Variants in CNNM2 observed in about 807,000 individuals in gnomAD.
CNNM2 encodes the protein metal transporter CNNM2.
CNNM2 carries 12 observed loss-of-function variants against 66.9 expected under a neutral mutation model. That is an observed-to-expected ratio of 0.18 (90% CI 0.11 to 0.29). The LOEUF (loss-of-function observed/expected upper bound fraction) is 0.29. Ranked by LOEUF, CNNM2 falls within the 10% of genes least tolerant of loss-of-function variation. The pLI is 1.00. For missense variants in CNNM2, 705 were observed against 1,167.7 expected (o/e 0.60, Z 5.77); for synonymous variants, 557 against 501.8 (o/e 1.11, Z -1.47).
rs1292790166 is a variant in CNNM2 at position 102,944,972 on chromosome 10, G to GT, written c.1621+24877dup. Among the ~76,000 whole-genome samples, 4 of 147,688 alleles carry GT rather than the reference G, an allele frequency of 2.7e-5. No homozygotes were observed. In the South Asian group the frequency reaches 8.6e-4, roughly 32 times the overall value. ...GCAGGGTTAAATATGGTTTTGTTTTGTTTTTTGTTTTTTTTTTTGGCAAGA... is the reference window on the plus strand; with the variant it reads ...GCAGGGTTAAATATGGTTTTGTTTTGTTTTTTTGTTTTTTTTTTTGGCAAGA... On this transcript the variant is annotated intron_variant, in intron 1 of 7. Transcript: ENST00000369878.
At chr10:103,013,732 G>A (rs916572013) in intron 1 of CNNM2, among the ~76,000 whole-genome samples, 9 of 152,172 alleles carry the variant, frequency 5.9e-5, no homozygotes, top group Non-Finnish European at 1.2e-4. Flanking sequence ...AATTGCAAGA[G>A]CAATGGAAAA....
intron 1 of CNNM2, among the ~76,000 whole-genome samples, chr10:103,021,438 C>T (rs754890480): frequency 2.0e-5 from 3 of 152,032 alleles, no homozygotes; most frequent in Non-Finnish European, 2.9e-5. Context: ...CTTGGAGTCC[C>T]GGGCTTCTTG....
At chr10:103,043,515 T>G (rs1328650208) in intron 1 of CNNM2, among the ~76,000 whole-genome samples, 8 of 152,200 alleles carry the variant, frequency 5.3e-5, no homozygotes, top group Non-Finnish European at 1.0e-4. Context: ...CATTTAAAAT[T>G]TGAGCCTAGA....
At chr10:102,998,617 G>C (rs1250564347) in intron 1 of CNNM2, among the ~76,000 whole-genome samples, 1 of 152,134 alleles carries the variant, frequency 6.6e-6, no homozygotes, top group Non-Finnish European at 1.5e-5. Context: ...TGGAAAGGCA[G>C]ACATAAAACT....
chr10:103,049,688 C>A lies in CNNM2; in HGVS notation c.1622-19C>A. The A allele has an allele frequency of 6.2e-7, 1 of 1,602,780 alleles. No homozygotes were observed. The highest frequency in any genetic ancestry group is 1.1e-5 in the South Asian group (1 of 88,978). On this transcript the variant is annotated intron_variant, in intron 1 of 7. Coordinates refer to ENST00000369878, the MANE Select transcript of CNNM2 (RefSeq NM_017649.5). ...AAAATTCAGAAAGTCACTTCCTAAA[C>A]TTTTTCTTGTCTCTAAAGGTAAATC...
intron 1 of CNNM2, among the ~76,000 whole-genome samples, chr10:102,949,280 A>C (rs920018666): frequency 1.3e-5 from 2 of 151,942 alleles, no homozygotes; most frequent in African/African-American, 4.8e-5. Flanking sequence ...GATTCAAGCA[A>C]TTCTCCTGCC....
chr10:103,062,618 A>G (rs1202781441), intron 4 of CNNM2, among the ~76,000 whole-genome samples: 1 of 152,212 alleles, frequency 6.6e-6, no homozygotes, highest in Non-Finnish European at 1.5e-5. Flanking sequence ...CAATGTGTAG[A>G]TGATATTTGG....
At chr10:102,972,706 T>C (rs1396103273) in intron 1 of CNNM2, among the ~76,000 whole-genome samples, 1 of 152,168 alleles carries the variant, frequency 6.6e-6, no homozygotes, top group Non-Finnish European at 1.5e-5. Context: ...ACAGATTTCA[T>C]TGCCTCTTTC....
chr10:102,930,284 T>A (rs550460193), intron 1 of CNNM2, among the ~76,000 whole-genome samples: 46 of 152,204 alleles, frequency 3.0e-4, no homozygotes, highest in South Asian at 2.9e-3. Context: ...TGCAAAAAAA[T>A]ATATATATGT....
chr10:103,073,078 C>T (rs762290764), intron 6 of CNNM2, among the ~76,000 whole-genome samples: 5 of 152,242 alleles, frequency 3.3e-5, no homozygotes, highest in Non-Finnish European at 5.9e-5. Flanking sequence ...AGGGTTGCAG[C>T]GCCTCTGCTC....
chr10:102,960,783 C>CTTTT (rs1183182236), intron 1 of CNNM2, among the ~76,000 whole-genome samples: 1 of 97,862 alleles, frequency 1.0e-5, no homozygotes, highest in African/African-American at 3.9e-5. Flanking sequence ...CCATACCTGG[C>CTTTT]TTTTTTTTTT....
Position 103,080,074 on chromosome 10 carries a change from A to C in CNNM2, c.*2894A>C, listed in dbSNP as rs1367170409. ...GGTCTCGATGTGGCTGCTCTTTGGCACCTCCGCTGGACTGCCCTCCCGCGG... is the reference window on the plus strand; with the variant it reads ...GGTCTCGATGTGGCTGCTCTTTGGCCCCTCCGCTGGACTGCCCTCCCGCGG... On this transcript the variant is annotated 3_prime_UTR_variant, in exon 8 of 8. Transcript: ENST00000369878. 1 of 152,068 alleles carries C rather than the reference A, an allele frequency of 6.6e-6. No homozygotes were observed. Among genetic ancestry groups the C allele is most frequent in the East Asian group, 1.9e-4 (1 of 5,186 alleles). The allele number at this position is 152,068 out of a possible 1,614,324, so 9.4% of individuals were successfully genotyped here. A position where few individuals can be genotyped will look rare whatever the true frequency, so the allele number is the denominator to read the frequency against.
At chr10:102,935,219 G>A (rs1261114774) in intron 1 of CNNM2, among the ~76,000 whole-genome samples, 1 of 150,552 alleles carries the variant, frequency 6.6e-6, no homozygotes, top group South Asian at 2.1e-4. Flanking sequence ...TAATCCTAGC[G>A]CTAACTTTGG....
At position 103,080,605 on chromosome 10, in the gene CNNM2, G is replaced by A. The variant is rs1450179253; in HGVS notation, c.*3425G>A. On this transcript the variant is annotated 3_prime_UTR_variant, in exon 8 of 8. Transcript: ENST00000369878. ...GGCATCCCCAAGTGGGAGGGAGTGG[G>A]GCATCTTACCATCTTCTAATGTGAC... The A allele has an allele frequency of 6.6e-6, 1 of 152,098 alleles. No homozygotes were observed. Among genetic ancestry groups the A allele is most frequent in the African/African-American group, 2.4e-5 (1 of 41,418 alleles). The allele number at this position is 152,098 out of a possible 1,614,324, so 9.4% of individuals were successfully genotyped here. A position where few individuals can be genotyped will look rare whatever the true frequency, so the allele number is the denominator to read the frequency against.
chr10:103,048,606 A>G (rs1411916266), intron 1 of CNNM2, among the ~76,000 whole-genome samples: 1 of 139,126 alleles, frequency 7.2e-6, no homozygotes, highest in Non-Finnish European at 1.6e-5. Context: ...TTCATTTTTG[A>G]GAAAATGCCT....
intron 1 of CNNM2, among the ~76,000 whole-genome samples, chr10:102,976,492 G>A (rs144104235): frequency 1.0e-4 from 15 of 145,880 alleles, no homozygotes; most frequent in Non-Finnish European, 2.1e-4. Context: ...GGAGTGCAGG[G>A]GTGTGATTGC....
intron 1 of CNNM2, among the ~76,000 whole-genome samples, chr10:103,005,362 C>G (rs765010305): frequency 4.6e-5 from 7 of 151,974 alleles, no homozygotes; most frequent in Non-Finnish European, 7.4e-5. Context: ...TATAGAAGTA[C>G]AGTTGGCCAG....
intron 1 of CNNM2, among the ~76,000 whole-genome samples, chr10:102,974,964 G>A (rs376436383): frequency 6.6e-5 from 10 of 152,328 alleles, no homozygotes; most frequent in African/African-American, 2.2e-4. Context: ...GGAGACATGA[G>A]AACTTGGGGC....
At chr10:103,034,604 A>G (rs1033768736) in intron 1 of CNNM2, among the ~76,000 whole-genome samples, 4 of 152,210 alleles carry the variant, frequency 2.6e-5, no homozygotes, top group Non-Finnish European at 4.4e-5. Flanking sequence ...CTTAGTTGAA[A>G]TCAGTAAGTT....
Sources: gnomAD v4.1 joint callset for allele counts (sites outside exome capture counted in the v4.1 genomes callset) on GRCh38, gnomAD v4.1.1 for gene constraint, MANE v1.5 for transcripts, NCBI Gene and HGNC (gene_info 2026-07-23, HGNC 2026-07-21) for gene names.